Variants in TMEM209 observed in about 807,000 individuals in gnomAD.
TMEM209 encodes testicular tissue protein Li 202.
Under a neutral mutation model 76.2 loss-of-function variants are expected in TMEM209, and 65 were observed. The ratio of observed to expected loss-of-function variants is 0.85; its 90% CI spans 0.70 to 1.05. The LOEUF is 1.05. Among genes scored for constraint, TMEM209 ranks in the 50% least tolerant of loss-of-function variants. The probability of loss-of-function intolerance (pLI) is 0.00; values close to 1 mark genes in which losing one functional copy is unlikely to be tolerated. For synonymous variants in TMEM209, 239 were observed against 237.6 expected (o/e 1.01, Z -0.06); for missense variants, 623 against 685.5 (o/e 0.91, Z 1.02).
Position 130,202,582 on chromosome 7 carries a change from C to A in TMEM209, c.281G>T (p.Ser94Ile), listed in dbSNP as rs758877081. ...RYFKYTVAPT[S>I]LVVSPGQQTL... ...TTGCTGTCCAGGACTAACAACCAGACTTGTTGGTGCCACAGTATATTTGAA... is the reference window on the plus strand; with the variant it reads ...TTGCTGTCCAGGACTAACAACCAGAATTGTTGGTGCCACAGTATATTTGAA... Residue 94 changes from serine to isoleucine, a missense_variant, in exon 4 of 15, where the codon AGT becomes ATT. Coordinates refer to ENST00000397622, the MANE Select transcript of TMEM209 (RefSeq NM_032842.4). 54 of 1,613,632 alleles carry A rather than the reference C, an allele frequency of 3.3e-5. No individual in the cohort carries two copies. The highest frequency in any genetic ancestry group is 4.2e-5 in the Non-Finnish European group (49 of 1,179,800).
At chr7:130,178,047 A>G (rs1237788040) in intron 10 of TMEM209, among the ~76,000 whole-genome samples, 1 of 152,180 alleles carries the variant, frequency 6.6e-6, no homozygotes, top group Middle Eastern at 3.2e-3. Flanking sequence ...TCCTCAGGAG[A>G]GCACATCTTC....
chr7:130,185,127 G>A, intron 7 of TMEM209, 65 bp downstream of exon 7: 1 of 1,501,956 alleles, frequency 6.7e-7, no homozygotes, highest in South Asian at 1.3e-5. Flanking sequence ...AAATGTTCCA[G>A]AAGTAGAAGA....
rs1287981136 is a variant in TMEM209 at position 130,192,603 on chromosome 7, T to C, written c.775+19A>G. The C allele has an allele frequency of 1.9e-6, 3 of 1,607,292 alleles. No homozygotes were observed. The highest frequency in any genetic ancestry group is 1.7e-5 in the Admixed American group (1 of 59,922). ...ACACCAAAAATATGTATAGTAGATA[T>C]ACAGAAATATATATGTACCCAGCTT... is the stretch of plus-strand genomic sequence containing the variant. On this transcript the variant is annotated intron_variant, in intron 6 of 14. Transcript: ENST00000397622.
chr7:130,167,267 A>T (rs1489978457), intron 14 of TMEM209, among the ~76,000 whole-genome samples: 1 of 152,166 alleles, frequency 6.6e-6, no homozygotes, highest in Non-Finnish European at 1.5e-5. Context: ...GACTTTTAAA[A>T]TTATAAGAAT....
rs542616359 is a variant in TMEM209, at chr7:130,196,702, A to G, written c.574-3879T>C. Among the ~76,000 whole-genome samples the G allele has an allele frequency of 1.4e-3, 210 of 152,284 alleles. No individual in the cohort carries two copies. The Middle Eastern group carries it at 0.017, about 12-fold the overall frequency. ...GGCAGGGCAAAGTGGCTGTCCGTAA[A>G]CTACAAAGAGCCCTTACCAGAAACC... On this transcript the variant is annotated intron_variant, in intron 5 of 14. Coordinates refer to ENST00000397622, the MANE Select transcript of TMEM209 (RefSeq NM_032842.4).
At chr7:130,189,070 C>T (rs1426467384) in intron 6 of TMEM209, among the ~76,000 whole-genome samples, 1 of 151,942 alleles carries the variant, frequency 6.6e-6, no homozygotes, top group South Asian at 2.1e-4. Flanking sequence ...TATGTGATAC[C>T]TGATTGGATC....
At position 130,205,377 on chromosome 7, in the gene TMEM209, T is replaced by C. The variant is rs756146503; in HGVS notation, c.-2A>G. On this transcript the variant is annotated 5_prime_UTR_variant, in exon 1 of 15. Coordinates refer to ENST00000397622, the MANE Select transcript of TMEM209 (RefSeq NM_032842.4). ...AACACGACCCCGAAAACGCACCATG[T>C]CCTCTGGCCGGAAAACGCAGGCTCG... 1.2e-6 allele frequency: 2 copies of C among 1,613,620 alleles called. No homozygotes were observed. The highest frequency in any genetic ancestry group is 2.2e-5 in the East Asian group (1 of 44,866).
rs1796836929 is a variant in TMEM209, at chr7:130,164,853, CAT to C, written c.*1596_*1597del. The C allele has an allele frequency of 6.6e-6, 1 of 152,142 alleles. No individual in the cohort carries two copies. The highest frequency in any genetic ancestry group is 6.5e-5 in the Admixed American group (1 of 15,278). The allele number at this position is 152,142 out of a possible 1,614,324, so 9.4% of individuals were successfully genotyped here. On this transcript the variant is annotated 3_prime_UTR_variant, in exon 15 of 15. Transcript: ENST00000397622. Reference sequence around the variant, plus strand: ...AATTTTAACATGTTCTTATATTTAACATGTTTGATATTTTCTTCTAGAATATC... The same window carrying C: ...AATTTTAACATGTTCTTATATTTAACGTTTGATATTTTCTTCTAGAATATC...
intron 5 of TMEM209, among the ~76,000 whole-genome samples, chr7:130,196,212 A>G (rs1465213192): frequency 6.6e-6 from 1 of 152,204 alleles, no homozygotes; most frequent in African/African-American, 2.4e-5. Flanking sequence ...TCAAAGTTTA[A>G]AAGAACTCAA....
chr7:130,167,592 A>G lies in TMEM209; in HGVS notation c.1632-1087T>C, dbSNP rs554104721. Among the ~76,000 whole-genome samples the G allele has an allele frequency of 2.0e-5, 3 of 152,306 alleles. No homozygotes were observed. The East Asian group carries it at 5.8e-4, about 29-fold the overall frequency. ...AAACCCAATTACTACTGCTCATATT[A>G]TAGCAGAATAATGCTTTCAGTTTGT... On this transcript the variant is annotated intron_variant, in intron 14 of 14. Transcript: ENST00000397622.
chr7:130,200,300 T>C (rs1238778846), intron 5 of TMEM209, among the ~76,000 whole-genome samples: 1 of 152,228 alleles, frequency 6.6e-6, no homozygotes, highest in East Asian at 1.9e-4. Context: ...AAAGTTACGA[T>C]AGACTATTGT....
At chr7:130,199,210 C>T (rs548825518) in intron 5 of TMEM209, among the ~76,000 whole-genome samples, 2 of 151,862 alleles carry the variant, frequency 1.3e-5, no homozygotes, top group Admixed American at 1.3e-4. Flanking sequence ...GCCTTTGTCA[C>T]CTTTTTAATT....
intron 5 of TMEM209, among the ~76,000 whole-genome samples, chr7:130,193,315 G>A (rs1018286510): frequency 6.6e-6 from 1 of 152,196 alleles, no homozygotes; most frequent in Non-Finnish European, 1.5e-5. Context: ...GGAGGCTGAG[G>A]TGGGCGGATC....
intron 13 of TMEM209, 71 bp from the exon 14 acceptor site, chr7:130,170,544 T>G: frequency 1.7e-6 from 2 of 1,172,808 alleles, no homozygotes; most frequent in Non-Finnish European, 2.5e-6. Context: ...TAAATACATA[T>G]CTTATCAATT....
At chr7:130,197,701 T>C (rs1462039379) in intron 5 of TMEM209, among the ~76,000 whole-genome samples, 6 of 152,218 alleles carry the variant, frequency 3.9e-5, no homozygotes, top group African/African-American at 7.2e-5. Context: ...ATTATGGTAA[T>C]AGCTATTCTC....
At chr7:130,175,379 T>C in intron 11 of TMEM209, 133 bp downstream of exon 11, 2 of 762,954 alleles carry the variant, frequency 2.6e-6, no homozygotes, top group South Asian at 4.1e-5. Context: ...GAGGAGCACT[T>C]GAGCCCTGGG....
rs566271150 is a variant in TMEM209 at position 130,176,691 on chromosome 7, GA to G, written c.1247-1083del. ...TTCTTCTGACAAATAAATTGCAAAG[GA>G]AAAAAAAAGGTGAATGGGAAGCATA... On this transcript the variant is annotated intron_variant, in intron 10 of 14. Transcript: ENST00000397622. Among the ~76,000 whole-genome samples, 12 of 148,706 alleles carry G rather than the reference GA, an allele frequency of 8.1e-5. No homozygotes were observed. The South Asian group carries it at 1.3e-3, about 16-fold the overall frequency.
chr7:130,172,544 C>T (rs1797104871), intron 13 of TMEM209, among the ~76,000 whole-genome samples: 1 of 151,948 alleles, frequency 6.6e-6, no homozygotes, highest in Non-Finnish European at 1.5e-5. Flanking sequence ...CAGGGTTTCA[C>T]TGTGTTAGCC....
At chr7:130,185,890 G>A (rs1797581308) in intron 6 of TMEM209, among the ~76,000 whole-genome samples, 1 of 152,042 alleles carries the variant, frequency 6.6e-6, no homozygotes. Context: ...CTATCTGATG[G>A]TTATCCTTCT....
Sources: allele counts gnomAD v4.1 joint callset (sites outside exome capture counted in the v4.1 genomes callset), GRCh38; gene constraint gnomAD v4.1.1; transcripts MANE v1.5; gene names NCBI Gene and HGNC (gene_info 2026-07-23, HGNC 2026-07-21).